The following COG1 variants were observed in gnomAD, a reference collection of about 807,000 sequenced individuals.
COG1 encodes the protein component of oligomeric golgi complex 1.
Under a neutral mutation model 102.2 loss-of-function variants are expected in COG1, and 61 were observed. The ratio of observed to expected loss-of-function variants is 0.60; its 90% CI spans 0.49 to 0.74. The LOEUF (loss-of-function observed/expected upper bound fraction) is 0.74, where lower values mean the gene tolerates loss of function less well. COG1 is among the 30% of genes least tolerant of loss of function. The probability of loss-of-function intolerance (pLI) is 0.00; values close to 1 mark genes in which losing one functional copy is unlikely to be tolerated. For missense variants in COG1, 1,164 were observed against 1,232.1 expected, an observed-to-expected ratio of 0.94 and a Z score of 0.83; for synonymous variants, 454 against 493.6, an observed-to-expected ratio of 0.92 and a Z score of 1.06.
chr17:73,195,068 T>C (rs926441775), intron 1 of COG1, among the ~76,000 whole-genome samples: 1 of 152,220 alleles, frequency 6.6e-6, no homozygotes, highest in African/African-American at 2.4e-5. Flanking sequence ...TCCCCTTAGG[T>C]GGCCAGCCTT....
chr17:73,203,920 G>T, intron 9 of COG1, 127 bp downstream of exon 9: 1 of 1,073,914 alleles, frequency 9.3e-7, no homozygotes. Context: ...CCAGGCATCG[G>T]GTCCTGTAAA....
At chr17:73,207,100 A>T in intron 12 of COG1, 81 bp from the exon 13 acceptor site, 1 of 1,008,020 alleles carries the variant, frequency 9.9e-7, no homozygotes, top group Admixed American at 2.7e-5. Flanking sequence ...CTCAAAAAAA[A>T]AAAAAAAAAA....
chr17:73,203,164 G>C lies in COG1; in HGVS notation c.2220+18G>C, dbSNP rs1267855413. 44 of 1,613,692 alleles carry C rather than the reference G, an allele frequency of 2.7e-5. No individual in the cohort carries two copies. Among genetic ancestry groups the C allele is most frequent in the Non-Finnish European group, 3.4e-5 (40 of 1,179,888 alleles). On this transcript the variant is annotated intron_variant, in intron 8 of 13. Coordinates refer to ENST00000299886, the MANE Select transcript of COG1 (RefSeq NM_018714.3). The stretch of plus-strand genomic sequence containing the variant: ...CTGCACAGGTGAGCAGGGACCATGG[G>C]CTGAAAAAGGGAATAAACTGCTCCG...
At chr17:73,207,132 C>T (rs373964599) in intron 12 of COG1, 49 bp from the exon 13 acceptor site, 19 of 1,423,162 alleles carry the variant, frequency 1.3e-5, no homozygotes, top group Admixed American at 1.7e-5. Context: ...TCTGCTGGGC[C>T]CCAGAGCTGC....
At chr17:73,207,552 A>G (rs1435563178) in intron 13 of COG1, 1 of 641,880 alleles carries the variant, frequency 1.6e-6, no homozygotes. Context: ...TTAACTGCCA[A>G]CCCGGCACTA....
In COG1 at chr17:73,197,359, C is replaced by T; in HGVS notation, c.876C>T (p.Phe292=). The T allele has an allele frequency of 1.2e-6, 2 of 1,614,206 alleles. No homozygotes were observed. Among genetic ancestry groups the T allele is most frequent in the Non-Finnish European group, 1.7e-6 (2 of 1,180,042 alleles). Residue 292 remains phenylalanine, a synonymous_variant, in exon 4 of 14, where the codon TTC becomes TTT. Coordinates refer to ENST00000299886, the MANE Select transcript of COG1 (RefSeq NM_018714.3). ...CAGCCCTGCCATGTGGCTTGCTCTTCTCTACTCTGGAGACCATCACAGGCC... is the reference window on the plus strand; with the variant it reads ...CAGCCCTGCCATGTGGCTTGCTCTTTTCTACTCTGGAGACCATCACAGGCC... ...PDPALPCGLL[F]STLETITGQH...
intron 3 of COG1, 53 bp downstream of exon 3, chr17:73,197,134 G>A: frequency 6.2e-7 from 1 of 1,613,126 alleles, no homozygotes; most frequent in Admixed American, 1.7e-5. Flanking sequence ...ATGGAGAAGG[G>A]TGAGCTGCGG....
rs140102593 is a variant in COG1 at position 73,201,142 on chromosome 17, A to C, written c.1315A>C (p.Ser439Arg). 2.5e-6 allele frequency: 4 copies of C among 1,614,096 alleles called. No homozygotes were observed. The African/African-American group carries it at 5.3e-5, about 22-fold the overall frequency. The change falls in exon 7 of 14, where the codon AGT becomes CGT. Residue 439 changes from serine to arginine, a missense_variant. Transcript: ENST00000299886. ...AAAAGAAGGCTTTGACTCCATCTCC[A>C]GTAGCTCCAAGGAGCTCTTGGTTTC... ...LTKEGFDSIS[S>R]SSKELLVSAL...
chr17:73,194,063 C>A (rs1041405420), intron 1 of COG1, among the ~76,000 whole-genome samples: 1 of 152,128 alleles, frequency 6.6e-6, no homozygotes, highest in Non-Finnish European at 1.5e-5. Context: ...GTTCTTCCCC[C>A]CAAACGCTAT....
chr17:73,201,436 C>G lies in COG1; in HGVS notation c.1609C>G (p.Pro537Ala). 1 of 1,614,246 alleles carries G rather than the reference C, an allele frequency of 6.2e-7. No individual in the cohort carries two copies. Among genetic ancestry groups the G allele is most frequent in the Non-Finnish European group, 8.5e-7 (1 of 1,180,042 alleles). ...VKLDDLLAYLPSDDSSLPKDV... is the reference protein window; with the variant it reads ...VKLDDLLAYLASDDSSLPKDV... The stretch of plus-strand genomic sequence containing the variant: ...ACTAGATGACCTCCTGGCTTACCTC[C>G]CCTCTGATGACTCATCACTGCCCAA... The change falls in exon 7 of 14, where the codon CCC (proline) becomes GCC (alanine). Residue 537 changes from proline to alanine, a missense_variant. Coordinates refer to ENST00000299886, the MANE Select transcript of COG1 (RefSeq NM_018714.3).
chr17:73,203,367 A>G, intron 8 of COG1: 1 of 715,876 alleles, frequency 1.4e-6, no homozygotes, highest in Non-Finnish European at 2.3e-6. Flanking sequence ...CTCTGTGCTA[A>G]TTAGGGAACC....
chr17:73,195,774 G>A (rs2029117), intron 1 of COG1, among the ~76,000 whole-genome samples: 15,184 of 152,206 alleles, frequency 0.1, 1,079 homozygotes, highest in Admixed American at 0.19. Flanking sequence ...TTAGCCAGGC[G>A]TGGCGACACG....
At chr17:73,205,434 T>C in intron 9 of COG1, 119 bp from the exon 10 acceptor site, 1 of 1,095,296 alleles carries the variant, frequency 9.1e-7, no homozygotes, top group South Asian at 1.3e-5. Flanking sequence ...CATATGAGCA[T>C]TAAAACCATC....
Position 73,201,472 on chromosome 17 carries a change from C to T in COG1, c.1645C>T (p.Pro549Ser). Residue 549 changes from proline to serine, a missense_variant, in exon 7 of 14, where the codon CCC becomes TCC. Transcript: ENST00000299886. Reference sequence around the variant, plus strand: ...CTCATCACTGCCCAAGGACGTTTCTCCCACACAGGCCAAGAGTTCTGCCTT... The same window carrying T: ...CTCATCACTGCCCAAGGACGTTTCTTCCACACAGGCCAAGAGTTCTGCCTT... ...DDSSLPKDVS[P>S]TQAKSSAFDR... 1 of 1,614,250 alleles carries T rather than the reference C, an allele frequency of 6.2e-7. No homozygotes were observed.
chr17:73,207,851 T>G (rs113452677), intron 13 of COG1: 102,165 of 1,231,344 alleles, frequency 0.083, 4,642 homozygotes, highest in Non-Finnish European at 0.089. Flanking sequence ...CAGTGTATCC[T>G]TTCCGTATTC....
chr17:73,203,818 T>A (rs769707461), intron 9 of COG1, 25 bp downstream of exon 9: 1 of 1,613,660 alleles, frequency 6.2e-7, no homozygotes, highest in Non-Finnish European at 8.5e-7. Context: ...GTTTGCCCAT[T>A]AAAAACACAA....
At position 73,199,969 on chromosome 17, in the gene COG1, C is replaced by A. The variant is rs776043683; in HGVS notation, c.1018C>A (p.His340Asn). The A allele has an allele frequency of 1.2e-6, 2 of 1,614,008 alleles. No homozygotes were observed. Among genetic ancestry groups the A allele is most frequent in the Non-Finnish European group, 1.7e-6 (2 of 1,180,014 alleles). Residue 340 changes from histidine to asparagine, a missense_variant, in exon 5 of 14, where the codon CAT becomes AAT. Coordinates refer to ENST00000299886, the MANE Select transcript of COG1 (RefSeq NM_018714.3). ...CCAGCCAACACTCCGAACCCTTGCA[C>A]ATCCCATCAGTCAGGAATACCTGAA... ...EFQPTLRTLA[H>N]PISQEYLKDT...
rs955169652 is a variant in COG1, at chr17:73,208,431, C to T, written c.2923C>T (p.Leu975Phe). ...ACCTTCATTATTCAAACTTGGCTGGCTCTCTAGTATGACTAAGTAACATGG... is the reference window on the plus strand; with the variant it reads ...ACCTTCATTATTCAAACTTGGCTGGTTCTCTAGTATGACTAAGTAACATGG... ...SAPSLFKLGWLSSMTK is the reference protein window; with the variant it reads ...SAPSLFKLGWFSSMTK The change falls in exon 14 of 14, where the codon CTC becomes TTC. Residue 975 changes from leucine (L) to phenylalanine (F), a missense_variant. By Grantham distance (22) the Leu-to-Phe change is conservative. Transcript: ENST00000299886. 2.5e-6 allele frequency: 4 copies of T among 1,614,200 alleles called. No individual in the cohort carries two copies. Among genetic ancestry groups the T allele is most frequent in the Middle Eastern group, 3.3e-4 (2 of 6,062 alleles).
At chr17:73,207,667 T>C (rs1568299778) in intron 13 of COG1, 1 of 1,295,156 alleles carries the variant, frequency 7.7e-7, no homozygotes, top group South Asian at 1.2e-5. Flanking sequence ...CCCCAAAAGT[T>C]TGACATTTTC....
Sources: allele counts gnomAD v4.1 joint callset (sites outside exome capture counted in the v4.1 genomes callset), GRCh38; gene constraint gnomAD v4.1.1; transcripts MANE v1.5; gene names NCBI Gene and HGNC (gene_info 2026-07-23, HGNC 2026-07-21).